Variants in ZC3H13 observed in about 807,000 individuals in gnomAD.
ZC3H13 encodes the protein zinc finger CCCH domain-containing protein 13.
ZC3H13 carries 64 observed loss-of-function variants against 204.1 expected under a neutral mutation model. The ratio of observed to expected loss-of-function variants is 0.31; its 90% CI spans 0.26 to 0.39. The LOEUF (loss-of-function observed/expected upper bound fraction) is 0.39. Among genes scored for constraint, ZC3H13 ranks in the 10% least tolerant of loss-of-function variants. ZC3H13 has a pLI of 1.00. For synonymous variants in ZC3H13, 667 were observed against 693.7 expected (o/e 0.96, Z 0.60); for missense variants, 1,833 against 2,082.7 (o/e 0.88, Z 2.33).
intron 17 of ZC3H13, chr13:45,962,780 T>C: frequency 4.1e-6 from 4 of 985,350 alleles, no homozygotes; most frequent in Non-Finnish European, 4.8e-6. Flanking sequence ...TGACGTAAAA[T>C]TGTTAATTAA....
At chr13:46,034,068 G>A (rs1030017043) in intron 4 of ZC3H13, among the ~76,000 whole-genome samples, 1 of 152,058 alleles carries the variant, frequency 6.6e-6, no homozygotes, top group Non-Finnish European at 1.5e-5. Flanking sequence ...ATGAAAAGAT[G>A]TTCAACATCA....
chr13:45,975,701 C>G lies in ZC3H13; in HGVS notation c.2050G>C (p.Glu684Gln). 6.2e-7 allele frequency: 1 copy of G among 1,613,662 alleles called. No individual in the cohort carries two copies. Among genetic ancestry groups the G allele is most frequent in the Non-Finnish European group, 8.5e-7 (1 of 1,179,828 alleles). Reference sequence around the variant, plus strand: ...TCTCTCTCCCGCTCCCTGTCTCGTTCTCGTTCCCGATCTCTCTCTCTAGCC... The same window carrying G: ...TCTCTCTCCCGCTCCCTGTCTCGTTGTCGTTCCCGATCTCTCTCTCTAGCC... ...ERARERDRER[E>Q]RDRERERERE... Residue 684 changes from glutamate (E) to glutamine (Q), a missense_variant, in exon 12 of 19, where the codon GAA becomes CAA. By Grantham distance (29) the Glu-to-Gln change is conservative. Transcript: ENST00000679008.
chr13:45,985,907 G>C (rs1211233273), intron 9 of ZC3H13, 146 bp from the exon 10 acceptor site: 2 of 738,276 alleles, frequency 2.7e-6, no homozygotes, highest in African/African-American at 3.5e-5. Flanking sequence ...AAATTCCAAA[G>C]ATAATTAACA....
At chr13:46,007,682 GTTTTGTGTA>G (rs1275634337) in intron 7 of ZC3H13, among the ~76,000 whole-genome samples, 8 of 152,226 alleles carry the variant, frequency 5.3e-5, no homozygotes, top group African/African-American at 1.9e-4. Flanking sequence ...GCCAAAACTG[GTTTTGTGTA>G]TTCTGAAATC....
At chr13:45,981,394 T>C (rs1953591349) in intron 10 of ZC3H13, among the ~76,000 whole-genome samples, 1 of 152,214 alleles carries the variant, frequency 6.6e-6, no homozygotes, top group African/African-American at 2.4e-5. Context: ...CTGTTGGACA[T>C]TTGGGTTGGT....
chr13:45,963,766 A>C (rs1951862324), intron 17 of ZC3H13, 76 bp downstream of exon 17: 2 of 1,595,240 alleles, frequency 1.3e-6, no homozygotes, highest in Admixed American at 1.8e-5. Context: ...GCTACATAAG[A>C]ACAGATCAGA....
chr13:45,985,692 G>A lies in ZC3H13; in HGVS notation c.1325C>T (p.Ser442Phe), dbSNP rs778538897. The change falls in exon 10 of 19, where the codon TCT becomes TTT. Residue 442 changes from serine (S) to phenylalanine (F), a missense_variant. Ser to Phe is a radical substitution (Grantham distance 155). This residue lies in a region of ZC3H13 where 1,574 missense variants were observed against 1,757.2 expected (regional missense o/e 0.90). Coordinates refer to ENST00000679008, the MANE Select transcript of ZC3H13 (RefSeq NM_001330564.2). ...EEREYEQDQS[S>F]SRDHRDDREP... ...TCTGTCATCTCTGTGGTCTCTAGAA[G>A]AGCTCTGATCCTGTTCATATTCTCG... is the stretch of plus-strand genomic sequence containing the variant. The A allele has an allele frequency of 1.2e-6, 2 of 1,613,834 alleles. No homozygotes were observed. Among genetic ancestry groups the A allele is most frequent in the South Asian group, 1.1e-5 (1 of 91,040 alleles).
At chr13:46,007,246 C>A (rs1334584376) in intron 7 of ZC3H13, among the ~76,000 whole-genome samples, 1 of 151,974 alleles carries the variant, frequency 6.6e-6, no homozygotes, top group Non-Finnish European at 1.5e-5. Flanking sequence ...AAGACCTGGC[C>A]AAAGGAACGT....
chr13:46,047,817 T>A (rs1037875998), intron 1 of ZC3H13, among the ~76,000 whole-genome samples: 3 of 152,232 alleles, frequency 2.0e-5, no homozygotes, highest in South Asian at 2.1e-4. Context: ...ATTCAATTTT[T>A]AAAACATTTC....
At position 45,965,467 on chromosome 13, in the gene ZC3H13, C is replaced by T. The variant is rs751651911; in HGVS notation, c.4322-35G>A. 7.5e-6 allele frequency: 12 copies of T among 1,603,960 alleles called. No individual in the cohort carries two copies. In the African/African-American group the frequency reaches 1.3e-4, roughly 18 times the overall value. On this transcript the variant is annotated intron_variant, in intron 15 of 18. Transcript: ENST00000679008. ...CAAATTAATTTCAGATCAAAGACAA[C>T]ATTAAAGGGAGAGGATGACTAAGTC...
intron 4 of ZC3H13, among the ~76,000 whole-genome samples, chr13:46,035,935 A>C (rs1311878252): frequency 2.0e-5 from 3 of 152,166 alleles, no homozygotes; most frequent in African/African-American, 7.2e-5. Context: ...CTTCCTCTAG[A>C]GTCAGTGCCA....
rs1473815013 is a variant in ZC3H13, at chr13:45,962,947, G to C, written c.4675+895C>G. On this transcript the variant is annotated intron_variant, in intron 17 of 18. Transcript: ENST00000679008. ...CAAAACCAAACAACCCCTACCACCA[G>C]AATCCATAAGCTAGATAATCTGGAA... 1.1e-5 allele frequency: 11 copies of C among 985,360 alleles called. No individual in the cohort carries two copies. The South Asian group carries it at 4.2e-4, about 38-fold the overall frequency. 61.0% of individuals were successfully genotyped at this position (985,360 alleles called of 1,614,324 possible). A position where few individuals can be genotyped will look rare whatever the true frequency, so the allele number is the denominator to read the frequency against.
Position 45,958,648 on chromosome 13 carries a change from GTTTTTT to G in ZC3H13, c.4839+829_4839+834del, listed in dbSNP as rs10539884. 2.2e-4 allele frequency among the ~76,000 whole-genome samples: 27 copies of G among 123,664 alleles called. 1 individual carries two copies. The highest frequency in any genetic ancestry group is 4.3e-4 in the African/African-American group (14 of 32,932). The allele number at this position is 123,664 out of a possible 152,430, so 81.1% of individuals were successfully genotyped here. A position where few individuals can be genotyped will look rare whatever the true frequency, so the allele number is the denominator to read the frequency against. On this transcript the variant is annotated intron_variant, in intron 18 of 18. Coordinates refer to ENST00000679008, the MANE Select transcript of ZC3H13 (RefSeq NM_001330564.2). ...CTCACCACCCCAAATAAAAATCCCA[GTTTTTT>G]TTTTTTTTTTTTTTTTTTTGAGATG...
At chr13:45,973,645 G>A (rs534281933) in intron 12 of ZC3H13, among the ~76,000 whole-genome samples, 1 of 152,228 alleles carries the variant, frequency 6.6e-6, no homozygotes, top group East Asian at 1.9e-4. Context: ...AGATTTTGGA[G>A]CATTTCAAAT....
intron 10 of ZC3H13, among the ~76,000 whole-genome samples, 193 bp from the exon 11 acceptor site, chr13:45,980,197 G>A (rs1024154200): frequency 1.3e-5 from 2 of 151,858 alleles, no homozygotes; most frequent in South Asian, 2.1e-4. Context: ...CTGAGTAGAC[G>A]AAGTCCCAGT....
chr13:46,014,339 C>T (rs2041776929), intron 5 of ZC3H13, among the ~76,000 whole-genome samples: 1 of 151,910 alleles, frequency 6.6e-6, no homozygotes, highest in Admixed American at 6.6e-5. Flanking sequence ...TGTCCTAATG[C>T]TCTCCCTCCC....
At chr13:46,045,664 GA>G in intron 1 of ZC3H13, 148 bp from the exon 2 acceptor site, 1 of 640,214 alleles carries the variant, frequency 1.6e-6, no homozygotes, top group East Asian at 2.6e-5. Context: ...AAGCATAGGA[GA>G]GGTCACAGGT....
intron 10 of ZC3H13, 149 bp from the exon 11 acceptor site, chr13:45,980,153 T>A: frequency 2.9e-6 from 2 of 686,280 alleles, no homozygotes. Context: ...TATCAAGCAA[T>A]GAATCAGAAC....
At chr13:46,050,701 C>T (rs1433922667) in intron 1 of ZC3H13, among the ~76,000 whole-genome samples, 2 of 151,908 alleles carry the variant, frequency 1.3e-5, no homozygotes, top group Non-Finnish European at 2.9e-5. Flanking sequence ...AGATTGCTTC[C>T]GTAAATTTAA....
Sources: gnomAD v4.1 joint callset for allele counts (sites outside exome capture counted in the v4.1 genomes callset) on GRCh38, gnomAD v4.1.1 for gene constraint, gnomAD v4.1.1 regional missense constraint, MANE v1.5 for transcripts, NCBI Gene and HGNC (gene_info 2026-07-23, HGNC 2026-07-21) for gene names.